FAM168B: variants seen among roughly 807,000 people sequenced by gnomAD.
FAM168B encodes family with sequence similarity 168 member B.
FAM168B carries 19 observed loss-of-function variants against 21.8 expected under a neutral mutation model. That is an observed-to-expected ratio of 0.87 (90% CI 0.61 to 1.28). FAM168B has a LOEUF of 1.28. Ranked by LOEUF, FAM168B falls within the 50% of genes most tolerant of loss-of-function variation. The pLI is 0.00. For synonymous variants in FAM168B, 126 were observed against 104.8 expected (o/e 1.20, Z -1.24); for missense variants, 233 against 263.1 (o/e 0.89, Z 0.79).
rs1691606401 is a variant in FAM168B at position 131,050,638 on chromosome 2, TATAAA to T, written c.*1822_*1826del. 2 of 985,154 alleles carry T rather than the reference TATAAA, an allele frequency of 2.0e-6. No individual in the cohort carries two copies. Among genetic ancestry groups the T allele is most frequent in the African/African-American group, 1.7e-5 (1 of 57,218 alleles). The allele number at this position is 985,154 out of a possible 1,614,324, so 61.0% of individuals were successfully genotyped here. On this transcript the variant is annotated 3_prime_UTR_variant, in exon 7 of 7. Coordinates refer to ENST00000389915, the MANE Select transcript of FAM168B (RefSeq NM_001009993.4). Reference sequence around the variant, plus strand: ...CATGCAAAAATATTCCTAAACTTCTTATAAAATAAGATGTGAAAAAGAAAATTATA... The same window carrying T: ...CATGCAAAAATATTCCTAAACTTCTTATAAGATGTGAAAAAGAAAATTATA...
intron 2 of FAM168B, among the ~76,000 whole-genome samples, chr2:131,080,323 G>A (rs188214267): frequency 6.7e-6 from 1 of 150,276 alleles, no homozygotes; most frequent in Admixed American, 6.6e-5. Context: ...CTGGAGTACT[G>A]TGACACAAGT....
chr2:131,053,046 C>G, intron 5 of FAM168B, 31 bp from the exon 6 acceptor site: 1 of 1,539,306 alleles, frequency 6.5e-7, no homozygotes, highest in Non-Finnish European at 8.8e-7. Flanking sequence ...TGACATGAGG[C>G]TGACCTCCTG....
chr2:131,055,463 A>G lies in FAM168B; in HGVS notation c.298-14T>C, dbSNP rs751937465. ...GTACGTGCCTTGCTGTGGGGAGAAG[A>G]GAGACAACTGACACAGGGTCCCAGG... On this transcript the variant is annotated splice_polypyrimidine_tract_variant and intron_variant, in intron 4 of 6. Coordinates refer to ENST00000389915, the MANE Select transcript of FAM168B (RefSeq NM_001009993.4). 6.2e-7 allele frequency: 1 copy of G among 1,605,366 alleles called. No individual in the cohort carries two copies. Among genetic ancestry groups the G allele is most frequent in the Non-Finnish European group, 8.5e-7 (1 of 1,177,634 alleles).
At chr2:131,088,411 T>TG (rs1321466128) in intron 1 of FAM168B, among the ~76,000 whole-genome samples, 2 of 138,842 alleles carry the variant, frequency 1.4e-5, no homozygotes, top group Non-Finnish European at 3.1e-5. Context: ...AAGGCAATGG[T>TG]GGGGGGAAAA....
Position 131,050,628 on chromosome 2 carries a change from C to G in FAM168B, c.*1837G>C. 4.1e-6 allele frequency: 4 copies of G among 985,314 alleles called. No individual in the cohort carries two copies. The highest frequency in any genetic ancestry group is 4.8e-6 in the Non-Finnish European group (4 of 829,610). 61.0% of individuals were successfully genotyped at this position (985,314 alleles called of 1,614,324 possible). ...TACAATGATCCATGCAAAAATATTC[C>G]TAAACTTCTTATAAAATAAGATGTG... On this transcript the variant is annotated 3_prime_UTR_variant, in exon 7 of 7. Coordinates refer to ENST00000389915, the MANE Select transcript of FAM168B (RefSeq NM_001009993.4).
intron 1 of FAM168B, among the ~76,000 whole-genome samples, chr2:131,084,113 G>A (rs1387307107): frequency 6.6e-6 from 1 of 151,946 alleles, no homozygotes; most frequent in East Asian, 1.9e-4. Context: ...ATGTTGGCCA[G>A]GATGGTCTCA....
chr2:131,083,841 G>A (rs972377759), intron 1 of FAM168B, among the ~76,000 whole-genome samples: 1 of 151,752 alleles, frequency 6.6e-6, no homozygotes, highest in African/African-American at 2.4e-5. Context: ...ACTCTAGATG[G>A]GAGTGGATTT....
intron 2 of FAM168B, among the ~76,000 whole-genome samples, chr2:131,074,369 C>T (rs765370925): frequency 6.6e-6 from 1 of 152,104 alleles, no homozygotes; most frequent in Non-Finnish European, 1.5e-5. Flanking sequence ...CCTCATAATC[C>T]GCCCTCCTCG....
intron 2 of FAM168B, among the ~76,000 whole-genome samples, chr2:131,075,677 A>G (rs1299551641): frequency 1.3e-5 from 2 of 151,910 alleles, no homozygotes; most frequent in Non-Finnish European, 2.9e-5. Flanking sequence ...TTTAGTAGAG[A>G]CAGGGTTTCA....
chr2:131,091,148 A>C (rs1176635519), intron 1 of FAM168B, among the ~76,000 whole-genome samples: 4 of 152,132 alleles, frequency 2.6e-5, no homozygotes, highest in African/African-American at 9.7e-5. Flanking sequence ...AGCCTGGCCA[A>C]CATAGTGAGA....
At chr2:131,053,592 A>G (rs1041626466) in intron 5 of FAM168B, among the ~76,000 whole-genome samples, 2 of 152,182 alleles carry the variant, frequency 1.3e-5, no homozygotes, top group African/African-American at 4.8e-5. Context: ...AAGGGTTAAG[A>G]TGGGCTGGGC....
At chr2:131,092,915 C>CAA (rs1694107633) in intron 1 of FAM168B, among the ~76,000 whole-genome samples, 2 of 152,186 alleles carry the variant, frequency 1.3e-5, no homozygotes, top group South Asian at 4.1e-4. Flanking sequence ...TTCACGCTCG[C>CAA]ATTCCTGACG....
At chr2:131,079,267 A>G (rs1047066623) in intron 2 of FAM168B, among the ~76,000 whole-genome samples, 2 of 152,108 alleles carry the variant, frequency 1.3e-5, no homozygotes, top group African/African-American at 4.8e-5. Flanking sequence ...CAGGAGTTTA[A>G]GACCAGCCTG....
chr2:131,048,505 GCT>G lies in FAM168B; in HGVS notation c.*3958_*3959del. On this transcript the variant is annotated 3_prime_UTR_variant, in exon 7 of 7. Coordinates refer to ENST00000389915, the MANE Select transcript of FAM168B (RefSeq NM_001009993.4). ...GACCAAGATAAGGCTATCCCCACAG[GCT>G]CTCTCTTCTTCAAATAATGAGTAGG... The G allele has an allele frequency of 9.1e-7, 1 of 1,102,316 alleles. No homozygotes were observed. Among genetic ancestry groups the G allele is most frequent in the Non-Finnish European group, 1.1e-6 (1 of 886,386 alleles). 68.3% of individuals were successfully genotyped at this position (1,102,316 alleles called of 1,614,324 possible).
rs1573741249 is a variant in FAM168B at position 131,051,933 on chromosome 2, C to T, written c.*532G>A. On this transcript the variant is annotated 3_prime_UTR_variant, in exon 7 of 7. Coordinates refer to ENST00000389915, the MANE Select transcript of FAM168B (RefSeq NM_001009993.4). The stretch of plus-strand genomic sequence containing the variant: ...CGCTGAAAACTAAAATGTCCACATC[C>T]CTAACTGGCAACCCACATCAACCCC... The T allele has an allele frequency of 1.0e-6, 1 of 985,482 alleles. No individual in the cohort carries two copies. The allele number at this position is 985,482 out of a possible 1,614,324, so 61.0% of individuals were successfully genotyped here.
At chr2:131,069,945 G>A (rs1692788046) in intron 3 of FAM168B, among the ~76,000 whole-genome samples, 3 of 151,762 alleles carry the variant, frequency 2.0e-5, no homozygotes, top group South Asian at 4.2e-4. Context: ...TGCAACCTCT[G>A]TCTCCTGGGT....
chr2:131,064,265 G>A (rs747252724), intron 3 of FAM168B, among the ~76,000 whole-genome samples: 32 of 151,930 alleles, frequency 2.1e-4, no homozygotes, highest in African/African-American at 6.0e-4. Context: ...TGTGTACCAC[G>A]CGGATTTTTT....
At chr2:131,065,791 AAAAAAAAG>A (rs1306582403) in intron 3 of FAM168B, among the ~76,000 whole-genome samples, 160 of 151,046 alleles carry the variant, frequency 1.1e-3, no homozygotes, top group Non-Finnish European at 1.2e-3. Context: ...TCCAGCTCAA[AAAAAAAAG>A]AAAAAAAGAA....
In FAM168B at chr2:131,055,445, C is replaced by G. The variant is rs770028990; in HGVS notation, c.302G>C (p.Gly101Ala). The G allele has an allele frequency of 6.2e-7, 1 of 1,608,762 alleles. No homozygotes were observed. Among genetic ancestry groups the G allele is most frequent in the South Asian group, 1.1e-5 (1 of 90,442 alleles). ...YPQQSPYAQQ[G>A]TYYTQPLYAA... ...ATACAGCGGCTGTGTGTAGTACGTG[C>G]CTTGCTGTGGGGAGAAGAGAGACAA... is the stretch of plus-strand genomic sequence containing the variant. Residue 101 changes from glycine (G) to alanine (A), a missense_variant, in exon 5 of 7, where the codon GGC (glycine) becomes GCC (alanine). Coordinates refer to ENST00000389915, the MANE Select transcript of FAM168B (RefSeq NM_001009993.4).
Sources: allele counts gnomAD v4.1 joint callset (sites outside exome capture counted in the v4.1 genomes callset), GRCh38; gene constraint gnomAD v4.1.1; transcripts MANE v1.5; gene names NCBI Gene and HGNC (gene_info 2026-07-23, HGNC 2026-07-21).